The following PCSK5 variants were observed in gnomAD, a reference collection of about 807,000 sequenced individuals.
PCSK5 encodes the protein proprotein convertase subtilisin/kexin type 5, also known as prohormone convertase 5.
PCSK5 carries 129 observed loss-of-function variants against 233.2 expected under a neutral mutation model. The ratio of observed to expected loss-of-function variants is 0.55; its 90% CI spans 0.48 to 0.64. PCSK5 has a LOEUF of 0.64. Ranked by LOEUF, PCSK5 falls within the 30% of genes least tolerant of loss-of-function variation. PCSK5 has a pLI of 0.00. For missense variants in PCSK5, 2,076 were observed against 2,430.1 expected, an observed-to-expected ratio of 0.85 and a Z score of 3.06; for synonymous variants, 825 against 879.2, an observed-to-expected ratio of 0.94 and a Z score of 1.09.
Position 76,240,590 on chromosome 9 carries a change from T to A in PCSK5, c.3074-26T>A, listed in dbSNP as rs575710932. On this transcript the variant is annotated intron_variant, in intron 23 of 37. Coordinates refer to ENST00000674117, the MANE Select transcript of PCSK5 (RefSeq NM_001372043.1). Reference sequence around the variant, plus strand: ...GTCTCCACTCAATGGAAATGAGTTGTGTTTTTCACTTCTCTGTCTGTGTAG... The same window carrying A: ...GTCTCCACTCAATGGAAATGAGTTGAGTTTTTCACTTCTCTGTCTGTGTAG... The A allele has an allele frequency of 2.7e-6, 4 of 1,498,964 alleles. No homozygotes were observed. In the African/African-American group the frequency reaches 5.5e-5, roughly 21 times the overall value. The allele number at this position is 1,498,964 out of a possible 1,614,324, so 92.9% of individuals were successfully genotyped here.
chr9:75,934,197 T>C (rs1587383385), intron 2 of PCSK5, among the ~76,000 whole-genome samples: 2 of 152,220 alleles, frequency 1.3e-5, no homozygotes, highest in South Asian at 4.2e-4. Context: ...GGGTACATGC[T>C]GCACTCCCCT....
chr9:75,971,891 C>T (rs956563181), intron 2 of PCSK5, among the ~76,000 whole-genome samples: 1 of 151,812 alleles, frequency 6.6e-6, no homozygotes, highest in Non-Finnish European at 1.5e-5. Context: ...TTACTCTGAT[C>T]ATAGTTTCTT....
chr9:76,181,521 T>C lies in PCSK5; in HGVS notation c.2127T>C (p.Tyr709=). ...SHGDQCMSCK[Y]GYFLNEETNS... ...GTGACCAATGCATGTCCTGCAAATA[T>C]GGATACTTTCTGAATGAAGAAACCA... Residue 709 remains tyrosine (Y), a synonymous_variant, in exon 16 of 38, where the codon TAT becomes TAC. Coordinates refer to ENST00000674117, the MANE Select transcript of PCSK5 (RefSeq NM_001372043.1). 1 of 1,614,070 alleles carries C rather than the reference T, an allele frequency of 6.2e-7. No individual in the cohort carries two copies. The highest frequency in any genetic ancestry group is 8.5e-7 in the Non-Finnish European group (1 of 1,179,962).
intron 10 of PCSK5, among the ~76,000 whole-genome samples, chr9:76,151,584 C>T (rs1404438366): frequency 6.6e-6 from 1 of 152,188 alleles, no homozygotes. Flanking sequence ...GTCCTGGCCC[C>T]TGCGATGTGC....
intron 6 of PCSK5, among the ~76,000 whole-genome samples, chr9:76,068,708 A>T (rs1200332651): frequency 6.6e-6 from 1 of 152,198 alleles, no homozygotes; most frequent in Non-Finnish European, 1.5e-5. Flanking sequence ...ATTTGTAATC[A>T]TCTTTGTAAG....
At chr9:76,120,356 A>C (rs1832585571) in intron 9 of PCSK5, among the ~76,000 whole-genome samples, 1 of 152,150 alleles carries the variant, frequency 6.6e-6, no homozygotes, top group Non-Finnish European at 1.5e-5. Flanking sequence ...GATAAAATTT[A>C]GAACCAGTCT....
intron 20 of PCSK5, among the ~76,000 whole-genome samples, chr9:76,224,091 TC>T (rs1457854570): frequency 3.3e-5 from 5 of 152,226 alleles, no homozygotes; most frequent in Non-Finnish European, 7.3e-5. Flanking sequence ...ACACTGACGC[TC>T]TTACATAAGC....
chr9:76,018,274 T>C (rs1477644008), intron 3 of PCSK5, among the ~76,000 whole-genome samples: 1 of 152,178 alleles, frequency 6.6e-6, no homozygotes, highest in African/African-American at 2.4e-5. Context: ...TGTGAGTATT[T>C]ACACTGTGGA....
chr9:76,067,069 C>T (rs557671141), intron 5 of PCSK5, among the ~76,000 whole-genome samples: 10 of 152,276 alleles, frequency 6.6e-5, no homozygotes, highest in Non-Finnish European at 1.5e-4. Flanking sequence ...TGGGCTCAGT[C>T]ACGCTTTAGA....
At chr9:76,083,007 G>A (rs1205402859) in intron 7 of PCSK5, among the ~76,000 whole-genome samples, 4 of 151,726 alleles carry the variant, frequency 2.6e-5, no homozygotes, top group Non-Finnish European at 4.4e-5. Flanking sequence ...TCAAGAGTTC[G>A]AGACCAGCCT....
At position 76,157,936 on chromosome 9, in the gene PCSK5, G is replaced by T. The variant is rs192651063; in HGVS notation, c.1430+774G>T. ...ACTTCATGTATGTTTTCCTCTTGAA[G>T]CTGTGTAACAACTTGGGTATTATTC... On this transcript the variant is annotated intron_variant, in intron 11 of 37. Coordinates refer to ENST00000674117, the MANE Select transcript of PCSK5 (RefSeq NM_001372043.1). Among the ~76,000 whole-genome samples the T allele has an allele frequency of 4.7e-3, 713 of 152,332 alleles. 23 individuals carry two copies. Among genetic ancestry groups the T allele is most frequent in the Admixed American group, 0.04 (605 of 15,304 alleles).
At chr9:75,928,639 A>ATATATATATATATATATAT (rs1587374369) in intron 1 of PCSK5, among the ~76,000 whole-genome samples, 1 of 132,462 alleles carries the variant, frequency 7.5e-6, no homozygotes, top group Non-Finnish European at 1.6e-5. Flanking sequence ...ATATATATAT[A>ATATATATATATATATATAT]ATCCTAGAAG....
chr9:75,925,129 A>G (rs4271035), intron 1 of PCSK5, among the ~76,000 whole-genome samples: 73,593 of 152,046 alleles, frequency 0.48, 18,344 homozygotes, highest in African/African-American at 0.55. Context: ...ATTTGAAGAA[A>G]TCATTAACTG....
At chr9:76,070,426 G>A (rs758084243) in intron 6 of PCSK5, among the ~76,000 whole-genome samples, 9 of 152,196 alleles carry the variant, frequency 5.9e-5, no homozygotes, top group Non-Finnish European at 1.2e-4. Context: ...CAAATGCAAT[G>A]TCTTTAGAGA....
intron 3 of PCSK5, among the ~76,000 whole-genome samples, chr9:75,987,532 G>A (rs17667865): frequency 0.36 from 54,540 of 151,980 alleles, 11,084 homozygotes; most frequent in Non-Finnish European, 0.47. Flanking sequence ...TGAGATGGGT[G>A]AATGTGGCTG....
chr9:75,893,935 A>G (rs72728955), intron 1 of PCSK5, among the ~76,000 whole-genome samples: 4,207 of 152,162 alleles, frequency 0.028, 71 homozygotes, highest in Non-Finnish European at 0.041. Flanking sequence ...CACGTGCAAT[A>G]TCATTGCACT....
At chr9:76,218,674 AGAGT>A (rs943792644) in intron 20 of PCSK5, among the ~76,000 whole-genome samples, 5 of 151,996 alleles carry the variant, frequency 3.3e-5, no homozygotes, top group East Asian at 3.9e-4. Context: ...AGAGAGAGAG[AGAGT>A]ATTATCCACA....
intron 20 of PCSK5, among the ~76,000 whole-genome samples, chr9:76,216,691 G>C (rs1825546108): frequency 6.6e-6 from 1 of 152,182 alleles, no homozygotes; most frequent in Non-Finnish European, 1.5e-5. Context: ...TTCCTGAATA[G>C]AACTTTGGTG....
intron 21 of PCSK5, 137 bp downstream of exon 21, chr9:76,227,742 T>C: frequency 7.8e-6 from 5 of 643,760 alleles, no homozygotes; most frequent in East Asian, 2.7e-5. Flanking sequence ...TCCACAGATA[T>C]TCTCCTTGGT....
Sources: gnomAD v4.1 joint callset for allele counts (sites outside exome capture counted in the v4.1 genomes callset) on GRCh38, gnomAD v4.1.1 for gene constraint, MANE v1.5 for transcripts, NCBI Gene and HGNC (gene_info 2026-07-23, HGNC 2026-07-21) for gene names.